The following CAMTA1 variants were observed in gnomAD, a reference collection of about 807,000 sequenced individuals.
CAMTA1 encodes the protein calmodulin binding transcription activator 1, also known as calmodulin-binding transcription activator 1.
A neutral mutation model predicts 170.9 loss-of-function variants in CAMTA1; 27 were observed. That is an observed-to-expected ratio of 0.16 (90% CI 0.12 to 0.22). CAMTA1 has a LOEUF of 0.22. Among genes scored for constraint, CAMTA1 ranks in the 10% least tolerant of loss-of-function variants. CAMTA1 has a pLI of 1.00. For missense variants in CAMTA1, 1,619 were observed against 2,217.2 expected (o/e 0.73, Z 5.42); for synonymous variants, 833 against 891.5 (o/e 0.93, Z 1.17).
chr1:7,174,614 G>A (rs947298668), intron 4 of CAMTA1, among the ~76,000 whole-genome samples: 2 of 152,210 alleles, frequency 1.3e-5, no homozygotes, highest in Non-Finnish European at 2.9e-5. Flanking sequence ...CACTTCTGAG[G>A]GGGCGCCACG....
At chr1:6,957,558 A>G (rs1048699086) in intron 3 of CAMTA1, among the ~76,000 whole-genome samples, 1 of 150,922 alleles carries the variant, frequency 6.6e-6, no homozygotes, top group Non-Finnish European at 1.5e-5. Context: ...CCGTCGTCAA[A>G]GCCAGCACTG....
chr1:7,406,381 G>A (rs542957340), intron 5 of CAMTA1, among the ~76,000 whole-genome samples: 3 of 152,338 alleles, frequency 2.0e-5, no homozygotes, highest in South Asian at 4.1e-4. Context: ...GGTAGGACAT[G>A]AGGCCAGAAG....
intron 11 of CAMTA1, among the ~76,000 whole-genome samples, chr1:7,690,898 C>T (rs764634665): frequency 6.6e-6 from 1 of 152,220 alleles, no homozygotes; most frequent in East Asian, 1.9e-4. Context: ...TTGGAGCTGC[C>T]TCCCAGGGCT....
chr1:7,194,410 T>G (rs1159959929), intron 4 of CAMTA1, among the ~76,000 whole-genome samples: 7 of 152,186 alleles, frequency 4.6e-5, no homozygotes, highest in African/African-American at 1.7e-4. Flanking sequence ...TAAACTATAT[T>G]TAAATATTTA....
chr1:7,132,835 T>C (rs9434478), intron 4 of CAMTA1, among the ~76,000 whole-genome samples: 10,270 of 152,314 alleles, frequency 0.067, 456 homozygotes, highest in Non-Finnish European at 0.099. Context: ...TTGGATTTTG[T>C]TGAATAGTTC....
chr1:7,326,277 C>T (rs1425632813), intron 5 of CAMTA1, among the ~76,000 whole-genome samples: 1 of 152,224 alleles, frequency 6.6e-6, no homozygotes, highest in East Asian at 1.9e-4. Flanking sequence ...TTTAGCTCCA[C>T]TAGCTCTGCA....
chr1:7,310,725 T>C (rs1028099081), intron 5 of CAMTA1, among the ~76,000 whole-genome samples: 21 of 117,696 alleles, frequency 1.8e-4, no homozygotes, highest in Non-Finnish European at 2.2e-4. Flanking sequence ...TTTCTTTCTT[T>C]CTTTCTTTCT....
At chr1:7,375,348 C>G (rs891111407) in intron 5 of CAMTA1, among the ~76,000 whole-genome samples, 1 of 152,120 alleles carries the variant, frequency 6.6e-6, no homozygotes, top group African/African-American at 2.4e-5. Flanking sequence ...AGCCCCTGAC[C>G]CGAAACCACC....
chr1:7,114,544 A>G (rs1255881312), intron 4 of CAMTA1, among the ~76,000 whole-genome samples: 1 of 152,224 alleles, frequency 6.6e-6, no homozygotes, highest in East Asian at 1.9e-4. Context: ...CCTGGGCTGC[A>G]TGTGGCCTGT....
chr1:7,594,214 GAAGGAAGGAAGGAAGGAAGGAAGGAAGA>G (rs2095379378), intron 6 of CAMTA1, among the ~76,000 whole-genome samples: 1 of 149,844 alleles, frequency 6.7e-6, no homozygotes, highest in Non-Finnish European at 1.5e-5. Context: ...AGGAAGGAAG[GAAGGAAGGAAGGAAGGAAGGAAGGAAGA>G]AAGAAAAGAA....
At chr1:7,217,384 T>C (rs1230427779) in intron 4 of CAMTA1, among the ~76,000 whole-genome samples, 1 of 152,240 alleles carries the variant, frequency 6.6e-6, no homozygotes, top group Non-Finnish European at 1.5e-5. Context: ...CAGTTCTTTA[T>C]AGCAGTGTGA....
At chr1:7,670,839 A>G (rs976288514) in intron 9 of CAMTA1, 72 bp from the exon 10 acceptor site, 2 of 1,555,094 alleles carry the variant, frequency 1.3e-6, no homozygotes, top group African/African-American at 1.4e-5. Context: ...GTGAAGCCTC[A>G]GGGGGGCTTC....
At chr1:7,728,139 G>A (rs2096705017) in intron 11 of CAMTA1, among the ~76,000 whole-genome samples, 1 of 152,228 alleles carries the variant, frequency 6.6e-6, no homozygotes. Context: ...TAGCAACAGG[G>A]AATGCAGCTG....
chr1:7,191,049 G>T (rs1654421920), intron 4 of CAMTA1, among the ~76,000 whole-genome samples: 1 of 152,172 alleles, frequency 6.6e-6, no homozygotes, highest in Non-Finnish European at 1.5e-5. Flanking sequence ...AGATAGTGCA[G>T]GTTGTGTTTG....
chr1:7,226,223 C>T (rs1356552350), intron 4 of CAMTA1, among the ~76,000 whole-genome samples: 1 of 152,180 alleles, frequency 6.6e-6, no homozygotes, highest in Admixed American at 6.5e-5. Context: ...ACACAAAGCT[C>T]ACTGCCTCCC....
intron 6 of CAMTA1, among the ~76,000 whole-genome samples, chr1:7,583,897 G>A (rs1240433293): frequency 2.0e-5 from 3 of 152,138 alleles, no homozygotes; most frequent in Non-Finnish European, 2.9e-5. Context: ...GGTTGGCCAC[G>A]TGAGAGTGGC....
intron 3 of CAMTA1, among the ~76,000 whole-genome samples, chr1:7,029,586 A>G (rs1033596110): frequency 1.3e-5 from 2 of 151,764 alleles, no homozygotes; most frequent in Non-Finnish European, 2.9e-5. Flanking sequence ...GAGTTTGCAA[A>G]TATCAAGAAA....
At chr1:7,362,994 A>G (rs1489701063) in intron 5 of CAMTA1, among the ~76,000 whole-genome samples, 9 of 152,238 alleles carry the variant, frequency 5.9e-5, no homozygotes, top group Non-Finnish European at 1.2e-4. Flanking sequence ...TGGGGCAAAG[A>G]CAATTAGTGG....
Position 7,704,821 on chromosome 1 carries a change from G to A in CAMTA1, c.2914+27088G>A, listed in dbSNP as rs1162024381. On this transcript the variant is annotated intron_variant, in intron 11 of 22. Coordinates refer to ENST00000303635, the MANE Select transcript of CAMTA1 (RefSeq NM_015215.4). ...GGCTGGGCCGGGCCGGGCGGGGCCG[G>A]GCGGGGCGCGGGAGCCAGTGAGCGG... Among the ~76,000 whole-genome samples, 59 of 148,020 alleles carry A rather than the reference G, an allele frequency of 4.0e-4. 1 individual carries two copies. The highest frequency in any genetic ancestry group is 1.4e-3 in the African/African-American group (58 of 41,012).
Sources: allele counts gnomAD v4.1 joint callset (sites outside exome capture counted in the v4.1 genomes callset), GRCh38; gene constraint gnomAD v4.1.1; transcripts MANE v1.5; gene names NCBI Gene and HGNC (gene_info 2026-07-23, HGNC 2026-07-21).